Variants in ARHGAP24 observed in about 807,000 individuals in gnomAD.
ARHGAP24 encodes the protein Rho GTPase activating protein 24.
In ARHGAP24, 50 loss-of-function variants were observed where a neutral mutation model predicts 76.4. That is an observed-to-expected ratio of 0.65 (90% CI 0.52 to 0.83). The LOEUF is 0.83. Among genes scored for constraint, ARHGAP24 ranks in the 40% least tolerant of loss-of-function variants. The probability of loss-of-function intolerance (pLI) is 0.00; values close to 1 mark genes in which losing one functional copy is unlikely to be tolerated. For missense variants in ARHGAP24, 930 were observed against 914.2 expected (o/e 1.02, Z -0.22); for synonymous variants, 345 against 323.3 (o/e 1.07, Z -0.72).
chr4:85,846,751 G>T (rs1274194183), intron 3 of ARHGAP24, among the ~76,000 whole-genome samples: 1 of 152,060 alleles, frequency 6.6e-6, no homozygotes, highest in Admixed American at 6.5e-5. Context: ...CCTTTTAACT[G>T]GGAAAAAGCA....
intron 1 of ARHGAP24, among the ~76,000 whole-genome samples, chr4:85,548,071 A>G (rs1725987889): frequency 1.2e-5 from 1 of 81,126 alleles, no homozygotes; most frequent in African/African-American, 3.1e-5. Context: ...TTTAAATACT[A>G]TTATTATTTA....
intron 2 of ARHGAP24, among the ~76,000 whole-genome samples, chr4:85,573,168 C>T (rs1014837210): frequency 5.9e-5 from 9 of 152,110 alleles, no homozygotes; most frequent in African/African-American, 1.4e-4. Flanking sequence ...TGAGTCACTG[C>T]GCCCAGCCTT....
chr4:85,486,813 T>C (rs1302047346), intron 1 of ARHGAP24, among the ~76,000 whole-genome samples: 1 of 152,144 alleles, frequency 6.6e-6, no homozygotes, highest in African/African-American at 2.4e-5. Flanking sequence ...ATGAAAGCAT[T>C]GCATGCATAG....
chr4:85,669,647 A>C (rs1260552494), intron 2 of ARHGAP24, among the ~76,000 whole-genome samples: 3 of 6,826 alleles, frequency 4.4e-4, no homozygotes, highest in Non-Finnish European at 6.7e-4. Context: ...ACTTTCAAAT[A>C]TATATATATA....
chr4:85,614,258 T>G (rs550614391), intron 2 of ARHGAP24, among the ~76,000 whole-genome samples: 2 of 152,172 alleles, frequency 1.3e-5, no homozygotes, highest in African/African-American at 2.4e-5. Context: ...TGGCATCTGA[T>G]CTCTACCATT....
intron 1 of ARHGAP24, among the ~76,000 whole-genome samples, chr4:85,507,292 G>C (rs533932278): frequency 6.6e-6 from 1 of 152,034 alleles, no homozygotes. Flanking sequence ...TGCGATCATG[G>C]CTCACTGTAG....
chr4:85,567,596 T>C (rs965241373), intron 1 of ARHGAP24, among the ~76,000 whole-genome samples: 6 of 152,190 alleles, frequency 3.9e-5, no homozygotes, highest in African/African-American at 1.2e-4. Flanking sequence ...CAAAATTGAT[T>C]ACTTCATCAA....
At chr4:85,700,624 T>C (rs759783251) in intron 2 of ARHGAP24, among the ~76,000 whole-genome samples, 1 of 152,044 alleles carries the variant, frequency 6.6e-6, no homozygotes, top group Non-Finnish European at 1.5e-5. Context: ...AAGAGCTTAG[T>C]TCTGTTTGTG....
chr4:85,824,195 A>G (rs1729604656), intron 3 of ARHGAP24, among the ~76,000 whole-genome samples: 1 of 152,208 alleles, frequency 6.6e-6, no homozygotes, highest in Admixed American at 6.5e-5. Flanking sequence ...AAAAGCTTTC[A>G]CATTTTGGAT....
intron 3 of ARHGAP24, among the ~76,000 whole-genome samples, chr4:85,914,459 G>T (rs1040476125): frequency 2.0e-5 from 3 of 152,148 alleles, no homozygotes; most frequent in African/African-American, 4.8e-5. Context: ...TCCGGGTGCT[G>T]CCGAGGTTAT....
chr4:85,912,884 A>G (rs376420342), intron 3 of ARHGAP24, among the ~76,000 whole-genome samples: 6 of 151,892 alleles, frequency 4.0e-5, no homozygotes, highest in African/African-American at 1.2e-4. Flanking sequence ...TCTTTTCTAG[A>G]TGTTTTCTGT....
At chr4:85,798,685 A>G (rs1728462398) in intron 3 of ARHGAP24, among the ~76,000 whole-genome samples, 1 of 152,220 alleles carries the variant, frequency 6.6e-6, no homozygotes, top group Non-Finnish European at 1.5e-5. Context: ...TACAGAATAA[A>G]TTTTTGTACT....
intron 2 of ARHGAP24, among the ~76,000 whole-genome samples, chr4:85,710,025 T>G: frequency 1.3e-5 from 2 of 152,244 alleles, no homozygotes; most frequent in East Asian, 3.9e-4. Context: ...ATTTAAAAAT[T>G]TATATGGAAC....
intron 8 of ARHGAP24, among the ~76,000 whole-genome samples, chr4:85,978,979 C>T (rs920111762): frequency 2.0e-5 from 3 of 152,122 alleles, no homozygotes; most frequent in Non-Finnish European, 2.9e-5. Flanking sequence ...TTTTAATATA[C>T]AGCACCCCCT....
chr4:85,512,169 T>A (rs1329939872), intron 1 of ARHGAP24, among the ~76,000 whole-genome samples: 2 of 152,228 alleles, frequency 1.3e-5, no homozygotes, highest in African/African-American at 4.8e-5. Context: ...TGAGTTCAAG[T>A]CTCATTTCCT....
Position 86,000,584 on chromosome 4 carries a change from T to G in ARHGAP24, c.2109T>G (p.Asn703Lys). 1.9e-6 allele frequency: 3 copies of G among 1,612,040 alleles called. No homozygotes were observed. The highest frequency in any genetic ancestry group is 2.5e-6 in the Non-Finnish European group (3 of 1,179,308). The change falls in exon 10 of 10, where the codon AAT (asparagine) becomes AAG (lysine). Residue 703 changes from asparagine (N) to lysine (K), a missense_variant. Transcript: ENST00000395184. ...KFTMIEIKMR[N>K]AERAKEDAEK... ...CAATGATAGAAATAAAAATGCGAAA[T>G]GCCGAGCGAGCAAAAGAAGATGCCG...
At position 85,644,752 on chromosome 4, in the gene ARHGAP24, T is replaced by C. The variant is rs140803156; in HGVS notation, c.180+74031T>C. Among the ~76,000 whole-genome samples, 101 of 152,222 alleles carry C rather than the reference T, an allele frequency of 6.6e-4. No homozygotes were observed. In the East Asian group the frequency reaches 0.015, roughly 23 times the overall value. ...TATATACAAATACTTATTCTTGCCA[T>C]TTTGTAGTTAACTTTTCTGAACTGT... On this transcript the variant is annotated intron_variant, in intron 2 of 9. Transcript: ENST00000395184.
rs941335831 is a variant in ARHGAP24 at position 85,529,058 on chromosome 4, A to G, written c.-20-41464A>G. On this transcript the variant is annotated intron_variant, in intron 1 of 9. Coordinates refer to ENST00000395184, the MANE Select transcript of ARHGAP24 (RefSeq NM_001025616.3). Reference sequence around the variant, plus strand: ...TGAGCTGATCATGTTCAGTGGTAGCAAAATTCTTCTCATGTATATCCAGTA... The same window carrying G: ...TGAGCTGATCATGTTCAGTGGTAGCGAAATTCTTCTCATGTATATCCAGTA... 2.0e-5 allele frequency among the ~76,000 whole-genome samples: 3 copies of G among 152,064 alleles called. No homozygotes were observed. In the East Asian group the frequency reaches 5.8e-4, roughly 29 times the overall value.
intron 9 of ARHGAP24, chr4:86,000,221 T>C: frequency 5.3e-6 from 2 of 378,856 alleles, no homozygotes; most frequent in Admixed American, 8.2e-5. Context: ...TTCACTTATT[T>C]ACTATTAAAT....
Sources: allele counts gnomAD v4.1 joint callset (sites outside exome capture counted in the v4.1 genomes callset), GRCh38; gene constraint gnomAD v4.1.1; transcripts MANE v1.5; gene names NCBI Gene and HGNC (gene_info 2026-07-23, HGNC 2026-07-21).